Variants in SPTB observed in about 807,000 individuals in gnomAD.
SPTB encodes spectrin beta, erythrocytic, also known as spectrin beta chain, erythrocytic.
In SPTB, 45 loss-of-function variants were observed where a neutral mutation model predicts 256.2. That is an observed-to-expected ratio of 0.18 (90% CI 0.14 to 0.23). The LOEUF is 0.23. SPTB is among the 10% of genes least tolerant of loss of function. SPTB has a pLI of 1.00. For missense variants in SPTB, 2,715 were observed against 3,040.4 expected, an observed-to-expected ratio of 0.89 and a Z score of 2.52; for synonymous variants, 1,231 against 1,243.1, an observed-to-expected ratio of 0.99 and a Z score of 0.21.
At position 64,782,318 on chromosome 14, in the gene SPTB, C is replaced by T; in HGVS notation, c.4238G>A (p.Ser1413Asn). 1 of 1,614,252 alleles carries T rather than the reference C, an allele frequency of 6.2e-7. No homozygotes were observed. The highest frequency in any genetic ancestry group is 1.6e-4 in the Middle Eastern group (1 of 6,062). Residue 1413 changes from serine to asparagine, a missense_variant, in exon 20 of 36, where the codon AGT becomes AAT. Physicochemically the swap from Ser to Asn is conservative, Grantham distance 46. Coordinates refer to ENST00000644917, the MANE Select transcript of SPTB (RefSeq NM_001355436.2). ...RSDDPGKDLT[S>N]VNRMLAKLKR... ...CAGCTTAGCCAACATCCGATTGACACTGGTCAGGTCCTTGCCCGGGTCGTC... is the reference window on the plus strand; with the variant it reads ...CAGCTTAGCCAACATCCGATTGACATTGGTCAGGTCCTTGCCCGGGTCGTC...
rs748306354 is a variant in SPTB at position 64,805,109 on chromosome 14, C to G, written c.149-19G>C. Reference sequence around the variant, plus strand: ...CGCTCATCTAGGTGGAGAGAAGAACCTTGGTGAGGTGCCTGAGGTTGGCAG... The same window carrying G: ...CGCTCATCTAGGTGGAGAGAAGAACGTTGGTGAGGTGCCTGAGGTTGGCAG... On this transcript the variant is annotated intron_variant, in intron 2 of 35. Transcript: ENST00000644917. 6.2e-7 allele frequency: 1 copy of G among 1,614,102 alleles called. No individual in the cohort carries two copies. Among genetic ancestry groups the G allele is most frequent in the East Asian group, 2.2e-5 (1 of 44,866 alleles).
chr14:64,791,628 A>G (rs1457983090), intron 15 of SPTB, 91 bp downstream of exon 15: 1 of 1,364,366 alleles, frequency 7.3e-7, no homozygotes, highest in Non-Finnish European at 1.0e-6. Flanking sequence ...GTTGGTGCAT[A>G]CTAGGTGGAC....
intron 1 of SPTB, among the ~76,000 whole-genome samples, chr14:64,848,990 A>C (rs960696623): frequency 2.6e-5 from 4 of 152,250 alleles, no homozygotes; most frequent in African/African-American, 9.6e-5. Context: ...CATATGGATC[A>C]TAATCCCTTA....
chr14:64,805,372 G>T (rs1364276448), intron 2 of SPTB, among the ~76,000 whole-genome samples: 2 of 152,152 alleles, frequency 1.3e-5, no homozygotes, highest in Non-Finnish European at 2.9e-5. Context: ...CCCTGTATCA[G>T]TCAGACTACT....
At chr14:64,812,788 G>T (rs2083116113) in intron 2 of SPTB, among the ~76,000 whole-genome samples, 1 of 152,088 alleles carries the variant, frequency 6.6e-6, no homozygotes. Context: ...TAAAGTTGAA[G>T]TATCTTATCT....
intron 24 of SPTB, 70 bp downstream of exon 24, chr14:64,774,327 G>C: frequency 1.3e-6 from 2 of 1,519,496 alleles, no homozygotes; most frequent in Non-Finnish European, 1.8e-6. Context: ...AAATCTGAAG[G>C]GACGTTGGCT....
intron 2 of SPTB, among the ~76,000 whole-genome samples, chr14:64,821,667 C>T (rs539841105): frequency 3.3e-5 from 5 of 152,094 alleles, no homozygotes; most frequent in Non-Finnish European, 4.4e-5. Flanking sequence ...CCAAGGGAAA[C>T]CAAGGGAGAA....
At chr14:64,876,468 A>G (rs1229556506) in intron 1 of SPTB, among the ~76,000 whole-genome samples, 2 of 152,096 alleles carry the variant, frequency 1.3e-5, no homozygotes. Context: ...TTTGTGTTTG[A>G]TTTTGAAATT....
chr14:64,796,784 T>C lies in SPTB; in HGVS notation c.1183-69A>G. The C allele has an allele frequency of 6.3e-7, 1 of 1,594,162 alleles. No homozygotes were observed. Among genetic ancestry groups the C allele is most frequent in the East Asian group, 2.2e-5 (1 of 44,794 alleles). ...TGCCTCACTTTGGGGGCTCCACCCC[T>C]TTCACCCAACACTGAGTGATTTCTG... On this transcript the variant is annotated intron_variant, in intron 10 of 35. Transcript: ENST00000644917. The surrounding 1 kb of genome is among the most constrained non-coding windows in gnomAD (Gnocchi z 4.1).
rs373124548 is a variant in SPTB, at chr14:64,793,026, G to C, written c.2637C>G (p.Thr879=). ...GCTGCACGACCTCCAGGTCCTCCAGGGTGTCTGGCATTTCCATCTCGGCCA... is the reference window on the plus strand; with the variant it reads ...GCTGCACGACCTCCAGGTCCTCCAGCGTGTCTGGCATTTCCATCTCGGCCA... ...KWLAEMEMPD[T]LEDLEVVQHR... The change falls in exon 14 of 36, where the codon ACC becomes ACG. Residue 879 remains threonine (T), a synonymous_variant. Transcript: ENST00000644917. This position sits in a 1 kb window ranked among gnomAD's most constrained non-coding sequence, Gnocchi z 7.0. 5.6e-6 allele frequency: 9 copies of C among 1,613,750 alleles called. No homozygotes were observed. The highest frequency in any genetic ancestry group is 2.7e-5 in the African/African-American group (2 of 74,890).
Position 64,802,030 on chromosome 14 carries a change from T to C in SPTB, c.566+196A>G, listed in dbSNP as rs34998268. On this transcript the variant is annotated intron_variant, in intron 5 of 35. Transcript: ENST00000644917. The surrounding 1 kb of genome is among the most constrained non-coding windows in gnomAD (Gnocchi z 5.1). ...TGAACACCACACAGACCCCCCAGTC[T>C]GCCTGCAGGCAACTTTGGAAAAGAA... Among the ~76,000 whole-genome samples, 701 of 152,340 alleles carry C rather than the reference T, an allele frequency of 4.6e-3. 4 individuals carry two copies. Among genetic ancestry groups the C allele is most frequent in the East Asian group, 0.017 (87 of 5,188 alleles).
Position 64,786,381 on chromosome 14 carries a change from C to T in SPTB, c.3561+23G>A, listed in dbSNP as rs2082569008. Reference sequence around the variant, plus strand: ...CTACTGCCCTGAGAGACCCGCCTGTCCCAGCCCTGAATGCCTCTCTACCTG... The same window carrying T: ...CTACTGCCCTGAGAGACCCGCCTGTTCCAGCCCTGAATGCCTCTCTACCTG... On this transcript the variant is annotated intron_variant, in intron 16 of 35. Transcript: ENST00000644917. This position sits in a 1 kb window ranked among gnomAD's most constrained non-coding sequence, Gnocchi z 5.6. 1.9e-6 allele frequency: 3 copies of T among 1,613,658 alleles called. No individual in the cohort carries two copies. The highest frequency in any genetic ancestry group is 2.2e-5 in the East Asian group (1 of 44,884).
At chr14:64,855,289 C>G (rs2083853759) in intron 1 of SPTB, among the ~76,000 whole-genome samples, 1 of 152,206 alleles carries the variant, frequency 6.6e-6, no homozygotes, top group Non-Finnish European at 1.5e-5. Context: ...CCTCTCGCAA[C>G]AGGGTGGATC....
At position 64,866,452 on chromosome 14, in the gene SPTB, G is replaced by A. The variant is rs540844778; in HGVS notation, c.-52+13340C>T. ...TTTATCCCAGGCACATCTTGCCAAG[G>A]CCTTTGAGGGCCTTCCGCTTATCAG... On this transcript the variant is annotated intron_variant, in intron 1 of 35. Transcript: ENST00000644917. This position sits in a 1 kb window ranked among gnomAD's most constrained non-coding sequence, Gnocchi z 4.6. Among the ~76,000 whole-genome samples, 17 of 152,204 alleles carry A rather than the reference G, an allele frequency of 1.1e-4. No homozygotes were observed. The highest frequency in any genetic ancestry group is 4.1e-4 in the African/African-American group (17 of 41,522).
intron 9 of SPTB, 136 bp from the exon 10 acceptor site, chr14:64,797,982 A>G (rs1315931682): frequency 4.0e-6 from 3 of 757,614 alleles, no homozygotes; most frequent in East Asian, 2.5e-5. Flanking sequence ...CAGAAAAACT[A>G]AAGAGAATCT....
At chr14:64,864,339 C>T (rs1403562437) in intron 1 of SPTB, among the ~76,000 whole-genome samples, 3 of 151,800 alleles carry the variant, frequency 2.0e-5, no homozygotes, top group African/African-American at 7.3e-5. Flanking sequence ...GTCCTAGCTA[C>T]ATAAGAGGCT....
intron 1 of SPTB, among the ~76,000 whole-genome samples, chr14:64,850,978 A>C (rs2083774235): frequency 6.6e-6 from 1 of 152,202 alleles, no homozygotes; most frequent in Non-Finnish European, 1.5e-5. Flanking sequence ...CTTTCTGTCT[A>C]TGTACATGTC....
chr14:64,849,281 A>G (rs2083742168), intron 1 of SPTB, among the ~76,000 whole-genome samples: 1 of 152,214 alleles, frequency 6.6e-6, no homozygotes, highest in South Asian at 2.1e-4. Context: ...TGAAAATGAG[A>G]TGAAAAGGGA....
At chr14:64,770,863 G>C in intron 27 of SPTB, 22 bp downstream of exon 27, 1 of 1,613,908 alleles carries the variant, frequency 6.2e-7, no homozygotes, top group Non-Finnish European at 8.5e-7. Flanking sequence ...AGCTGCCTCT[G>C]CCTCAAGGAC....
Sources: allele counts gnomAD v4.1 joint callset (sites outside exome capture counted in the v4.1 genomes callset), GRCh38; gene constraint gnomAD v4.1.1; non-coding constraint Gnocchi (gnomAD v3.1); transcripts MANE v1.5; gene names NCBI Gene and HGNC (gene_info 2026-07-23, HGNC 2026-07-21).